SGCG: variants seen among roughly 807,000 people sequenced by gnomAD.
SGCG encodes the protein sarcoglycan gamma, also known as gamma-sarcoglycan.
In SGCG, 26 loss-of-function variants were observed where a neutral mutation model predicts 29.3. That is an observed-to-expected ratio of 0.89 (90% confidence interval 0.65 to 1.23). The LOEUF (loss-of-function observed/expected upper bound fraction) is 1.23, where lower values mean the gene tolerates loss of function less well. Ranked by LOEUF, SGCG falls within the 50% of genes most tolerant of loss-of-function variation. The pLI is 0.00. For missense variants in SGCG, 353 were observed against 356.0 expected (o/e 0.99, Z 0.07); for synonymous variants, 145 against 129.7 (o/e 1.12, Z -0.80).
rs548404592 is a variant in SGCG, at chr13:23,270,024, G to A, written c.386-9335G>A. ...CGAGTAGCTGGGACTACAGGCGCCC[G>A]CCACCATGCCGGGCTAATTTTATGT... On this transcript the variant is annotated intron_variant, in intron 4 of 7. Coordinates refer to ENST00000218867, the MANE Select transcript of SGCG (RefSeq NM_000231.3). 6.9e-4 allele frequency among the ~76,000 whole-genome samples: 105 copies of A among 152,010 alleles called. 1 individual carries two copies. The highest frequency in any genetic ancestry group is 2.5e-3 in the East Asian group (13 of 5,154).
chr13:23,321,573 A>G (rs1454521944), intron 7 of SGCG, among the ~76,000 whole-genome samples: 3 of 152,170 alleles, frequency 2.0e-5, no homozygotes, highest in Non-Finnish European at 2.9e-5. Context: ...CACCGTGGAG[A>G]TGGCTCCTCA....
intron 1 of SGCG, among the ~76,000 whole-genome samples, chr13:23,201,093 A>G (rs1877733750): frequency 6.6e-6 from 1 of 152,186 alleles, no homozygotes; most frequent in African/African-American, 2.4e-5. Flanking sequence ...GGAGATTTAG[A>G]GCCACAGGCA....
chr13:23,308,335 A>G (rs1419524109), intron 6 of SGCG, among the ~76,000 whole-genome samples: 1 of 152,150 alleles, frequency 6.6e-6, no homozygotes, highest in Non-Finnish European at 1.5e-5. Flanking sequence ...GAGTGGGAAT[A>G]CCCAGTTGTC....
At chr13:23,293,587 T>C (rs1412248463) in intron 5 of SGCG, among the ~76,000 whole-genome samples, 8 of 152,154 alleles carry the variant, frequency 5.3e-5, no homozygotes, top group Non-Finnish European at 1.5e-5. Flanking sequence ...CCCAGCACTT[T>C]AGGAAGGCCA....
At chr13:23,319,387 G>C (rs1882951584) in intron 6 of SGCG, among the ~76,000 whole-genome samples, 1 of 151,888 alleles carries the variant, frequency 6.6e-6, no homozygotes, top group Non-Finnish European at 1.5e-5. Context: ...AGCCTAACTT[G>C]ACCAATAAAT....
At chr13:23,250,886 G>T (rs982604969) in intron 4 of SGCG, among the ~76,000 whole-genome samples, 169 bp downstream of exon 4, 1 of 152,194 alleles carries the variant, frequency 6.6e-6, no homozygotes, top group African/African-American at 2.4e-5. Context: ...AGTGGGGTGG[G>T]GGGTGAGGGG....
At chr13:23,317,206 A>G (rs1882849813) in intron 6 of SGCG, among the ~76,000 whole-genome samples, 2 of 151,102 alleles carry the variant, frequency 1.3e-5, no homozygotes, top group African/African-American at 2.4e-5. Context: ...AAAAAAAAAG[A>G]TGAAATCAGT....
intron 5 of SGCG, among the ~76,000 whole-genome samples, chr13:23,292,406 A>T (rs1051084447): frequency 6.6e-6 from 1 of 152,186 alleles, no homozygotes; most frequent in East Asian, 1.9e-4. Context: ...CACTGCGCCC[A>T]CCGACGTTTC....
At chr13:23,270,735 T>C (rs995727003) in intron 4 of SGCG, among the ~76,000 whole-genome samples, 1 of 152,244 alleles carries the variant, frequency 6.6e-6, no homozygotes, top group Non-Finnish European at 1.5e-5. Flanking sequence ...CTCTAGATGT[T>C]GAGTCATTGC....
rs1883165801 is a variant in SGCG at position 23,324,595 on chromosome 13, C to CTG, written c.*54_*55insTG. 5.3e-6 allele frequency: 8 copies of CTG among 1,497,538 alleles called. No individual in the cohort carries two copies. Among genetic ancestry groups the CTG allele is most frequent in the Non-Finnish European group, 7.4e-6 (8 of 1,085,398 alleles). The allele number at this position is 1,497,538 out of a possible 1,614,324, so 92.8% of individuals were successfully genotyped here. On this transcript the variant is annotated 3_prime_UTR_variant, in exon 8 of 8. Transcript: ENST00000218867. ...CAGTGCCGGCCCCAGATCCTCACAC[C>CTG]CAGGGAGCAGCTGCACATCGTGAAA...
intron 4 of SGCG, among the ~76,000 whole-genome samples, chr13:23,271,682 T>A (rs1160088120): frequency 6.6e-6 from 1 of 152,216 alleles, no homozygotes; most frequent in African/African-American, 2.4e-5. Context: ...CATATGAACT[T>A]TTGCATCAAT....
At chr13:23,275,244 G>A (rs1003649320) in intron 4 of SGCG, among the ~76,000 whole-genome samples, 50 of 151,770 alleles carry the variant, frequency 3.3e-4, no homozygotes, top group Non-Finnish European at 1.0e-4. Flanking sequence ...GCTGGGTGCA[G>A]TGGCTCATGC....
intron 2 of SGCG, among the ~76,000 whole-genome samples, chr13:23,205,582 A>C (rs2137504327): frequency 1.3e-5 from 2 of 152,262 alleles, no homozygotes; most frequent in Middle Eastern, 6.8e-3. Flanking sequence ...TTGACTGTAA[A>C]GTGACAATAT....
At chr13:23,225,566 G>C (rs1878861824) in intron 2 of SGCG, among the ~76,000 whole-genome samples, 1 of 152,072 alleles carries the variant, frequency 6.6e-6, no homozygotes, top group African/African-American at 2.4e-5. Flanking sequence ...TTCTGAGCAG[G>C]CTTTTCTGTC....
chr13:23,274,069 A>G (rs1880968989), intron 4 of SGCG, among the ~76,000 whole-genome samples: 1 of 152,176 alleles, frequency 6.6e-6, no homozygotes, highest in African/African-American at 2.4e-5. Context: ...TGTAAATATT[A>G]TGTCTGTGTT....
chr13:23,222,025 GTATC>G (rs1878690790), intron 2 of SGCG, among the ~76,000 whole-genome samples: 1 of 152,208 alleles, frequency 6.6e-6, no homozygotes, highest in Non-Finnish European at 1.5e-5. Context: ...ATAAGTTTGA[GTATC>G]TATCATGTAT....
chr13:23,324,631 G>T lies in SGCG; in HGVS notation c.*90G>T. On this transcript the variant is annotated 3_prime_UTR_variant, in exon 8 of 8. Transcript: ENST00000218867. ...CTGCACATCGTGAAAGACTGAGGCA[G>T]CGTGGATGGGAAGTAAACGCTTCCA... 8.4e-7 allele frequency: 1 copy of T among 1,188,844 alleles called. No homozygotes were observed. The highest frequency in any genetic ancestry group is 1.2e-6 in the Non-Finnish European group (1 of 816,360). 73.6% of individuals were successfully genotyped at this position (1,188,844 alleles called of 1,614,324 possible).
chr13:23,203,314 T>C (rs906945616), intron 1 of SGCG, among the ~76,000 whole-genome samples: 2 of 151,424 alleles, frequency 1.3e-5, no homozygotes, highest in African/African-American at 4.9e-5. Flanking sequence ...CAATTAACCT[T>C]TGTAGAACTC....
chr13:23,256,201 AG>A (rs1317999342), intron 4 of SGCG, among the ~76,000 whole-genome samples: 6 of 152,234 alleles, frequency 3.9e-5, no homozygotes, highest in Non-Finnish European at 8.8e-5. Flanking sequence ...AGAAGGAACC[AG>A]AGAAATAATT....
Sources: allele counts gnomAD v4.1 joint callset (sites outside exome capture counted in the v4.1 genomes callset), GRCh38; gene constraint gnomAD v4.1.1; transcripts MANE v1.5; gene names NCBI Gene and HGNC (gene_info 2026-07-23, HGNC 2026-07-21).